LRRC4C: variants seen among roughly 807,000 people sequenced by gnomAD.
LRRC4C encodes leucine-rich repeat-containing protein 4C.
In LRRC4C, 5 loss-of-function variants were observed where a neutral mutation model predicts 33.6. The observed-to-expected ratio is 0.15, with a 90% CI of 0.08 to 0.31. LRRC4C has a LOEUF of 0.31. Among genes scored for constraint, LRRC4C ranks in the 10% least tolerant of loss-of-function variants. The pLI is 1.00. For missense variants in LRRC4C, 560 were observed against 796.7 expected (o/e 0.70, Z 3.58); for synonymous variants, 329 against 302.0 (o/e 1.09, Z -0.93).
chr11:40,595,486 C>G (rs916195861), intron 3 of LRRC4C, among the ~76,000 whole-genome samples: 23 of 152,040 alleles, frequency 1.5e-4, no homozygotes, highest in Admixed American at 8.5e-4. Flanking sequence ...CCTTGGGAAC[C>G]AGCATGTACA....
At chr11:41,355,888 T>C (rs549238045) in intron 1 of LRRC4C, among the ~76,000 whole-genome samples, 39 of 152,092 alleles carry the variant, frequency 2.6e-4, no homozygotes, top group African/African-American at 8.7e-4. Flanking sequence ...TTCTAATTAA[T>C]ATGTCAAACC....
chr11:40,453,831 C>A (rs1952011202), intron 3 of LRRC4C, among the ~76,000 whole-genome samples: 1 of 152,044 alleles, frequency 6.6e-6, no homozygotes. Flanking sequence ...ACATTGGTAC[C>A]ACAATTCTTT....
intron 2 of LRRC4C, among the ~76,000 whole-genome samples, chr11:40,930,938 A>C (rs911129170): frequency 6.6e-6 from 1 of 152,202 alleles, no homozygotes; most frequent in Non-Finnish European, 1.5e-5. Flanking sequence ...TCAAGCCACC[A>C]ATCAGTTTGG....
chr11:40,905,287 T>C (rs935021292), intron 2 of LRRC4C, among the ~76,000 whole-genome samples: 1 of 151,832 alleles, frequency 6.6e-6, no homozygotes, highest in Non-Finnish European at 1.5e-5. Context: ...AAAAGAGAAA[T>C]AGCTCTTCTC....
chr11:41,110,522 C>T (rs960833080), intron 1 of LRRC4C, among the ~76,000 whole-genome samples: 1 of 151,998 alleles, frequency 6.6e-6, no homozygotes, highest in South Asian at 2.1e-4. Flanking sequence ...AGATGTCAAG[C>T]TAAATGTTAA....
chr11:40,441,568 G>A (rs1458556800), intron 3 of LRRC4C, among the ~76,000 whole-genome samples: 7 of 152,176 alleles, frequency 4.6e-5, no homozygotes, highest in Non-Finnish European at 1.0e-4. Flanking sequence ...AGGTTTATTT[G>A]TGGATTTTTC....
chr11:40,463,705 G>T (rs764667619), intron 3 of LRRC4C, among the ~76,000 whole-genome samples: 3 of 152,008 alleles, frequency 2.0e-5, no homozygotes, highest in Non-Finnish European at 2.9e-5. Context: ...AGAGTTACTT[G>T]TTCAAATGCA....
chr11:40,952,890 ACACACACTCTCTCTCT>A (rs1481215732), intron 1 of LRRC4C, among the ~76,000 whole-genome samples: 46 of 50,468 alleles, frequency 9.1e-4, no homozygotes, highest in African/African-American at 1.9e-3. Flanking sequence ...ACACACACAC[ACACACACTCTCTCTCT>A]CTCTCTCTCT....
At chr11:40,132,929 G>A (rs1472548855) in intron 6 of LRRC4C, among the ~76,000 whole-genome samples, 1 of 152,100 alleles carries the variant, frequency 6.6e-6, no homozygotes, top group Non-Finnish European at 1.5e-5. Context: ...ATCAAAATAT[G>A]TAGAAAATTA....
rs1158516223 is a variant in LRRC4C at position 40,942,816 on chromosome 11, T to C, written c.-495-9093A>G. 2.6e-5 allele frequency among the ~76,000 whole-genome samples: 4 copies of C among 152,142 alleles called. No homozygotes were observed. The East Asian group carries it at 7.7e-4, about 29-fold the overall frequency. ...GGAGATACTAGTAATAAAGAAAAGA[T>C]AACACCAGACAGACCAGAGTTCCAA... On this transcript the variant is annotated intron_variant, in intron 1 of 6. Coordinates refer to ENST00000528697, the MANE Select transcript of LRRC4C (RefSeq NM_001258419.2).
chr11:41,007,708 A>G (rs1206230078), intron 1 of LRRC4C, among the ~76,000 whole-genome samples: 1 of 152,122 alleles, frequency 6.6e-6, no homozygotes, highest in African/African-American at 2.4e-5. Context: ...AAAAATGTAG[A>G]ACATTATTTA....
intron 1 of LRRC4C, among the ~76,000 whole-genome samples, chr11:41,206,896 C>A (rs1439988075): frequency 1.3e-5 from 2 of 152,088 alleles, no homozygotes; most frequent in Non-Finnish European, 2.9e-5. Flanking sequence ...AGAATTAGAA[C>A]CCTAGCTGTC....
intron 3 of LRRC4C, among the ~76,000 whole-genome samples, chr11:40,500,283 TATATATATATACACACAC>T (rs1335224135): frequency 1.5e-5 from 1 of 66,252 alleles, no homozygotes; most frequent in Non-Finnish European, 2.9e-5. Context: ...TATATATATA[TATATATATATACACACAC>T]ACACACACAC....
intron 2 of LRRC4C, among the ~76,000 whole-genome samples, chr11:40,706,817 G>C (rs989790590): frequency 5.3e-5 from 8 of 152,180 alleles, no homozygotes; most frequent in African/African-American, 1.9e-4. Flanking sequence ...CCATTTTCAC[G>C]ATATTGATTC....
At chr11:40,164,093 G>A (rs796906650) in intron 5 of LRRC4C, among the ~76,000 whole-genome samples, 16 of 152,272 alleles carry the variant, frequency 1.1e-4, no homozygotes, top group African/African-American at 3.9e-4. Context: ...AGAACTCTGA[G>A]TATCCTCTAA....
At chr11:40,999,678 G>A (rs1021026762) in intron 1 of LRRC4C, among the ~76,000 whole-genome samples, 3 of 151,894 alleles carry the variant, frequency 2.0e-5, no homozygotes, top group African/African-American at 7.3e-5. Context: ...CAAAATATTG[G>A]CTAGAAACCT....
At chr11:41,159,289 T>C (rs1944363097) in intron 1 of LRRC4C, among the ~76,000 whole-genome samples, 1 of 151,792 alleles carries the variant, frequency 6.6e-6, no homozygotes, top group Non-Finnish European at 1.5e-5. Context: ...AGACCCTGTC[T>C]CTAAAAAAAA....
intron 5 of LRRC4C, among the ~76,000 whole-genome samples, chr11:40,142,748 C>T (rs1434129601): frequency 3.3e-5 from 5 of 152,044 alleles, no homozygotes; most frequent in African/African-American, 1.2e-4. Context: ...TATACTCACT[C>T]TCTAGGTGGT....
At chr11:41,157,950 T>C (rs1944306369) in intron 1 of LRRC4C, among the ~76,000 whole-genome samples, 1 of 152,112 alleles carries the variant, frequency 6.6e-6, no homozygotes, top group Non-Finnish European at 1.5e-5. Context: ...TTATTATTGA[T>C]TATATTCACT....
Sources: gnomAD v4.1 joint callset for allele counts (sites outside exome capture counted in the v4.1 genomes callset) on GRCh38, gnomAD v4.1.1 for gene constraint, MANE v1.5 for transcripts, NCBI Gene and HGNC (gene_info 2026-07-23, HGNC 2026-07-21) for gene names.